CEL: variants seen among roughly 807,000 people sequenced by gnomAD.
CEL encodes bile salt-activated lipase.
A neutral mutation model predicts 57.1 loss-of-function variants in CEL; 39 were observed. The observed-to-expected ratio is 0.68, with a 90% CI of 0.53 to 0.89. The LOEUF is 0.89. CEL is among the 40% of genes least tolerant of loss of function. CEL has a pLI of 0.00. For missense variants in CEL, 698 were observed against 915.0 expected (o/e 0.76, Z 3.06); for synonymous variants, 314 against 396.6 (o/e 0.79, Z 2.48).
chr9:133,064,536 C>T lies in CEL; in HGVS notation c.199C>T (p.Pro67Ser), dbSNP rs1352085353. The change falls in exon 2 of 11, where the codon CCA (proline) becomes TCA (serine). Residue 67 changes from proline to serine, a missense_variant. Around this residue, in one of 6 missense-constraint regions of CEL, gnomAD observed 327 missense variants for 374.1 expected, o/e 0.87. Coordinates refer to ENST00000372080, the MANE Select transcript of CEL (RefSeq NM_001807.6). ...APTKALENPQ[P>S]HPGWQGTLKA... ...CACCAAGGCCCTGGAAAATCCTCAG[C>T]CACATCCTGGCTGGCAAGGTGGGAG... The T allele has an allele frequency of 3.1e-6, 5 of 1,614,186 alleles. No individual in the cohort carries two copies. The highest frequency in any genetic ancestry group is 1.7e-5 in the Admixed American group (1 of 60,028).
intron 9 of CEL, among the ~76,000 whole-genome samples, chr9:133,069,637 C>G (rs1174842166): frequency 6.6e-6 from 1 of 152,030 alleles, no homozygotes; most frequent in African/African-American, 2.4e-5. Flanking sequence ...TTTCAGCCCA[C>G]CACCACATTA....
At position 133,065,099 on chromosome 9, in the gene CEL, G is replaced by C; in HGVS notation, c.400G>C (p.Gly134Arg). Residue 134 changes from glycine to arginine, a missense_variant, in exon 4 of 11, where the codon GGC becomes CGC. This residue lies in a region of CEL where 327 missense variants were observed against 374.1 expected (regional missense o/e 0.87). Coordinates refer to ENST00000372080, the MANE Select transcript of CEL (RefSeq NM_001807.6). ...TGGAGGCGCCTTCCTCATGGGGTCC[G>C]GCCATGGGGCCAACTTCCTCAACAA... is the stretch of plus-strand genomic sequence containing the variant. ...IYGGAFLMGSGHGANFLNNYL... is the reference protein window; with the variant it reads ...IYGGAFLMGSRHGANFLNNYL... 2.5e-6 allele frequency: 4 copies of C among 1,613,940 alleles called. No individual in the cohort carries two copies. Among genetic ancestry groups the C allele is most frequent in the Non-Finnish European group, 3.4e-6 (4 of 1,180,036 alleles).
chr9:133,066,404 A>C lies in CEL; in HGVS notation c.539-126A>C. 1.6e-6 allele frequency: 2 copies of C among 1,243,058 alleles called. No homozygotes were observed. Among genetic ancestry groups the C allele is most frequent in the South Asian group, 2.5e-5 (2 of 80,828 alleles). The allele number at this position is 1,243,058 out of a possible 1,614,324, so 77.0% of individuals were successfully genotyped here. On this transcript the variant is annotated intron_variant, in intron 4 of 10. Transcript: ENST00000372080. This position sits in a 1 kb window ranked among gnomAD's most constrained non-coding sequence, Gnocchi z 4.3. Reference sequence around the variant, plus strand: ...CTTCTTAGGGACCCACCATTTGCCAACTGGGGCTCTGCCATGGCCCCAACT... The same window carrying C: ...CTTCTTAGGGACCCACCATTTGCCACCTGGGGCTCTGCCATGGCCCCAACT...
chr9:133,065,794 C>T (rs1199977636), intron 4 of CEL, among the ~76,000 whole-genome samples: 3 of 144,676 alleles, frequency 2.1e-5, no homozygotes, highest in East Asian at 2.0e-4. Context: ...TGCGGTGAGC[C>T]GAGATCATGC....
At chr9:133,062,201 G>C (rs1830102588) in intron 1 of CEL, 133 bp downstream of exon 1, 1 of 1,242,730 alleles carries the variant, frequency 8.0e-7, no homozygotes, top group Non-Finnish European at 1.1e-6. Flanking sequence ...TTTCTATGGG[G>C]ACAGGTGCCA....
chr9:133,064,589 G>C, intron 2 of CEL, 35 bp downstream of exon 2: 1 of 1,613,796 alleles, frequency 6.2e-7, no homozygotes, highest in Non-Finnish European at 8.5e-7. Flanking sequence ...GCCCTGCGGC[G>C]GGGCGGGTGA....
intron 1 of CEL, among the ~76,000 whole-genome samples, chr9:133,063,577 G>T (rs1830126452): frequency 1.3e-5 from 2 of 152,216 alleles, no homozygotes; most frequent in African/African-American, 4.8e-5. Flanking sequence ...ATGCACCACG[G>T]GAAGAGGGAG....
At chr9:133,063,243 G>A (rs1342368262) in intron 1 of CEL, among the ~76,000 whole-genome samples, 1 of 152,180 alleles carries the variant, frequency 6.6e-6, no homozygotes, top group Non-Finnish European at 1.5e-5. Context: ...AGAGGCCTTC[G>A]GCAGGTCATC....
intron 7 of CEL, among the ~76,000 whole-genome samples, chr9:133,067,620 A>C (rs1830201785): frequency 6.6e-6 from 1 of 151,910 alleles, no homozygotes; most frequent in Non-Finnish European, 1.5e-5. Flanking sequence ...TGATCTGCCC[A>C]CCTCGGCCTC....
In CEL at chr9:133,066,510, C is replaced by G. The variant is rs762139361; in HGVS notation, c.539-20C>G. The G allele has an allele frequency of 6.2e-7, 1 of 1,613,828 alleles. No individual in the cohort carries two copies. Among genetic ancestry groups the G allele is most frequent in the South Asian group, 1.1e-5 (1 of 91,086 alleles). ...CTGGGCCACTGGTCTCTAGCACCCC[C>G]TCCCCTGCCCTGCCCCCAGGTAACT... On this transcript the variant is annotated intron_variant, in intron 4 of 10. Coordinates refer to ENST00000372080, the MANE Select transcript of CEL (RefSeq NM_001807.6). The surrounding 1 kb of genome is among the most constrained non-coding windows in gnomAD (Gnocchi z 4.3).
chr9:133,066,244 C>T lies in CEL; in HGVS notation c.539-286C>T, dbSNP rs915950. ...AAACACCACCCCCTCCAGCACCACA[C>T]CAACCCAACCTCCTGGGGACCCACC... On this transcript the variant is annotated intron_variant, in intron 4 of 10. Transcript: ENST00000372080. The surrounding 1 kb of genome is among the most constrained non-coding windows in gnomAD (Gnocchi z 4.3). 6.6e-6 allele frequency among the ~76,000 whole-genome samples: 1 copy of T among 152,054 alleles called. No individual in the cohort carries two copies. Among genetic ancestry groups the T allele is most frequent in the Non-Finnish European group, 1.5e-5 (1 of 67,996 alleles).
At chr9:133,067,279 G>T in intron 7 of CEL, 74 bp downstream of exon 7, 1 of 1,318,484 alleles carries the variant, frequency 7.6e-7, no homozygotes, top group Non-Finnish European at 1.1e-6. Flanking sequence ...GGAGTACTCC[G>T]GAGGAGAGAG....
intron 1 of CEL, 147 bp from the exon 2 acceptor site, chr9:133,064,257 G>T: frequency 1.0e-6 from 1 of 981,642 alleles, no homozygotes; most frequent in Non-Finnish European, 1.5e-6. Context: ...GCAGGGCAGG[G>T]GGTGCTGCCT....
Position 133,066,917 on chromosome 9 carries a change from A to G in CEL, c.749A>G (p.Gln250Arg), listed in dbSNP as rs763369568. ...SGVALSPWVI[Q>R]KNPLFWAKKV... ...GTGGCCCTGAGTCCCTGGGTCATCC[A>G]GAAAAACCCACTCTTCTGGGCCAAA... is the stretch of plus-strand genomic sequence containing the variant. Residue 250 changes from glutamine to arginine, a missense_variant, in exon 6 of 11, where the codon CAG becomes CGG. Physicochemically the swap from Gln to Arg is conservative, Grantham distance 43. Coordinates refer to ENST00000372080, the MANE Select transcript of CEL (RefSeq NM_001807.6). This position sits in a 1 kb window ranked among gnomAD's most constrained non-coding sequence, Gnocchi z 4.3. The G allele has an allele frequency of 6.2e-7, 1 of 1,612,580 alleles. No individual in the cohort carries two copies. Among genetic ancestry groups the G allele is most frequent in the East Asian group, 2.2e-5 (1 of 44,806 alleles).
At position 133,071,567 on chromosome 9, in the gene CEL, GC is replaced by G. The variant is rs756449511; in HGVS notation, c.2073del (p.Val692CysfsTer12). 34 of 688,248 alleles carry G rather than the reference GC, an allele frequency of 4.9e-5. No homozygotes were observed. The highest frequency in any genetic ancestry group is 4.8e-4 in the Middle Eastern group (1 of 2,078). 42.6% of individuals were successfully genotyped at this position (688,248 alleles called of 1,614,324 possible). A position where few individuals can be genotyped will look rare whatever the true frequency, so the allele number is the denominator to read the frequency against. On this transcript the variant is annotated frameshift_variant, in exon 11 of 11. Transcript: ENST00000372080. LOFTEE classifies it high-confidence loss of function. ...CGTGCCGCCCACGGGTGACTCCGGC[GC>G]CCCCCCCGTGCCGCCCACGGGTGAC... ...PPVPPTGDSGAPPVPPTGDSG... is the reference protein window; with the variant it reads ...PPVPPTGDSGXPPVPPTGDSG...
chr9:133,065,108 G>A lies in CEL; in HGVS notation c.409G>A (p.Ala137Thr), dbSNP rs562551668. 111 of 1,613,988 alleles carry A rather than the reference G, an allele frequency of 6.9e-5. 3 individuals carry two copies. The South Asian group carries it at 1.1e-3, about 15-fold the overall frequency. The stretch of plus-strand genomic sequence containing the variant: ...CTTCCTCATGGGGTCCGGCCATGGG[G>A]CCAACTTCCTCAACAACTACCTGTA... ...GAFLMGSGHG[A>T]NFLNNYLYDG... is the part of the protein sequence containing the mutation. The change falls in exon 4 of 11, where the codon GCC becomes ACC. Residue 137 changes from alanine to threonine, a missense_variant. Physicochemically the swap from Ala to Thr is moderately conservative, Grantham distance 58. Around this residue, in one of 6 missense-constraint regions of CEL, gnomAD observed 327 missense variants for 374.1 expected, o/e 0.87. Coordinates refer to ENST00000372080, the MANE Select transcript of CEL (RefSeq NM_001807.6).
chr9:133,068,157 G>A (rs937130333), intron 7 of CEL, among the ~76,000 whole-genome samples: 5 of 152,228 alleles, frequency 3.3e-5, no homozygotes, highest in South Asian at 2.1e-4. Flanking sequence ...GCCAGGCCCC[G>A]CCTGCCTCAG....
chr9:133,069,010 T>C, intron 8 of CEL, 46 bp from the exon 9 acceptor site: 1 of 1,609,540 alleles, frequency 6.2e-7, no homozygotes. Flanking sequence ...GCACACACCT[T>C]CCTGTTGGCA....
Position 133,071,807 on chromosome 9 carries a change from C to G in CEL, c.*43C>G. On this transcript the variant is annotated 3_prime_UTR_variant, in exon 11 of 11. Coordinates refer to ENST00000372080, the MANE Select transcript of CEL (RefSeq NM_001807.6). ...TATCAAGAGGCCACAAGAGTGGGAC[C>G]CCAGGGGCTCCCCTCCCATCTTGAG... 6.5e-7 allele frequency: 1 copy of G among 1,549,152 alleles called. No homozygotes were observed. The highest frequency in any genetic ancestry group is 8.9e-7 in the Non-Finnish European group (1 of 1,123,500).
Sources: allele counts gnomAD v4.1 joint callset (sites outside exome capture counted in the v4.1 genomes callset), GRCh38; gene constraint gnomAD v4.1.1; regional missense constraint gnomAD v4.1.1; non-coding constraint Gnocchi (gnomAD v3.1); transcripts MANE v1.5; gene names NCBI Gene and HGNC (gene_info 2026-07-23, HGNC 2026-07-21).